The following RUNX1 variants were observed in gnomAD, a reference collection of about 807,000 sequenced individuals.
The protein encoded by RUNX1 is RUNX family transcription factor 1, also known as runt-related transcription factor 1.
Under a neutral mutation model 42.8 loss-of-function variants are expected in RUNX1, and 19 were observed. The observed-to-expected ratio is 0.44, with a 90% CI of 0.31 to 0.65. The LOEUF (loss-of-function observed/expected upper bound fraction) is 0.65, where lower values mean the gene tolerates loss of function less well. Ranked by LOEUF, RUNX1 falls within the 30% of genes least tolerant of loss-of-function variation. RUNX1 has a pLI of 0.07. For synonymous variants in RUNX1, 271 were observed against 289.4 expected (o/e 0.94, Z 0.64); for missense variants, 528 against 672.0 (o/e 0.79, Z 2.37).
chr21:34,904,403 T>TCATCC (rs2058201889), intron 2 of RUNX1, among the ~76,000 whole-genome samples: 1 of 152,190 alleles, frequency 6.6e-6, no homozygotes, highest in Admixed American at 6.5e-5. Flanking sequence ...TATTCAGAGA[T>TCATCC]CATCCAAAAA....
chr21:34,809,739 G>C (rs922716814), intron 7 of RUNX1, among the ~76,000 whole-genome samples: 1 of 152,084 alleles, frequency 6.6e-6, no homozygotes, highest in African/African-American at 2.4e-5. Flanking sequence ...AACAGATACA[G>C]TTAAGAGCTG....
At chr21:34,999,944 T>C (rs1197597321) in intron 2 of RUNX1, among the ~76,000 whole-genome samples, 1 of 152,254 alleles carries the variant, frequency 6.6e-6, no homozygotes, top group Non-Finnish European at 1.5e-5. Context: ...GTGGTTAAGC[T>C]TCATCTTTAT....
chr21:34,858,681 T>C (rs1039546856), intron 6 of RUNX1, among the ~76,000 whole-genome samples: 1 of 152,178 alleles, frequency 6.6e-6, no homozygotes, highest in African/African-American at 2.4e-5. Context: ...TGATACGGTT[T>C]GGAGACATCT....
At chr21:34,922,446 T>C (rs1434220974) in intron 2 of RUNX1, among the ~76,000 whole-genome samples, 1 of 152,216 alleles carries the variant, frequency 6.6e-6, no homozygotes, top group Non-Finnish European at 1.5e-5. Context: ...GAGATTAGTT[T>C]GGCCAAGGTC....
intron 2 of RUNX1, among the ~76,000 whole-genome samples, chr21:34,929,934 C>T (rs928337431): frequency 6.6e-6 from 1 of 151,762 alleles, no homozygotes; most frequent in Non-Finnish European, 1.5e-5. Flanking sequence ...ATTCATATAT[C>T]CCCTTTTAAG....
At chr21:34,953,169 G>T (rs893491979) in intron 2 of RUNX1, among the ~76,000 whole-genome samples, 2 of 151,344 alleles carry the variant, frequency 1.3e-5, no homozygotes, top group African/African-American at 4.9e-5. Context: ...ATTATTATGC[G>T]TCTACGTGAA....
intron 2 of RUNX1, among the ~76,000 whole-genome samples, chr21:34,915,532 G>A (rs1408739533): frequency 3.9e-5 from 6 of 152,182 alleles, no homozygotes; most frequent in Non-Finnish European, 5.9e-5. Flanking sequence ...TGCAGAGAAT[G>A]GTTGTTTTAT....
intron 2 of RUNX1, among the ~76,000 whole-genome samples, chr21:35,045,505 T>C (rs2059389799): frequency 6.6e-6 from 1 of 152,126 alleles, no homozygotes; most frequent in Non-Finnish European, 1.5e-5. Flanking sequence ...TTGGTATCCT[T>C]ATAAGAAGAG....
chr21:34,849,436 T>TA (rs1345523701), intron 6 of RUNX1, among the ~76,000 whole-genome samples: 1 of 72,254 alleles, frequency 1.4e-5, no homozygotes. Flanking sequence ...ATATATATTA[T>TA]ATATATACTA....
chr21:34,974,754 T>C (rs576188002), intron 2 of RUNX1, among the ~76,000 whole-genome samples: 2 of 152,310 alleles, frequency 1.3e-5, no homozygotes, highest in African/African-American at 4.8e-5. Context: ...ATTAACACTA[T>C]ACAAAAATAG....
chr21:34,932,717 T>G (rs1465815492), intron 2 of RUNX1, among the ~76,000 whole-genome samples: 1 of 150,954 alleles, frequency 6.6e-6, no homozygotes, highest in Non-Finnish European at 1.5e-5. Context: ...TCCTTCTAAA[T>G]TTTACCCCTG....
intron 2 of RUNX1, among the ~76,000 whole-genome samples, chr21:35,012,033 G>T (rs1250995435): frequency 1.3e-5 from 2 of 152,152 alleles, no homozygotes; most frequent in African/African-American, 4.8e-5. Flanking sequence ...GGATTAAGAA[G>T]GTAGCTGGTC....
At chr21:34,823,684 C>T (rs2056944791) in intron 7 of RUNX1, among the ~76,000 whole-genome samples, 1 of 152,084 alleles carries the variant, frequency 6.6e-6, no homozygotes, top group South Asian at 2.1e-4. Flanking sequence ...CTCAGGTGAT[C>T]CACCCACCTC....
intron 2 of RUNX1, among the ~76,000 whole-genome samples, chr21:35,046,116 G>A (rs939431191): frequency 6.6e-6 from 1 of 152,304 alleles, no homozygotes; most frequent in East Asian, 1.9e-4. Context: ...GTTGCACACC[G>A]TGTGTGATAA....
intron 7 of RUNX1, among the ~76,000 whole-genome samples, chr21:34,825,115 G>C (rs2056968663): frequency 6.6e-6 from 1 of 152,174 alleles, no homozygotes; most frequent in African/African-American, 2.4e-5. Flanking sequence ...AACAATGCCT[G>C]GCAATCAAGT....
chr21:34,937,096 T>G (rs1181826448), intron 2 of RUNX1, among the ~76,000 whole-genome samples: 3 of 152,160 alleles, frequency 2.0e-5, no homozygotes, highest in African/African-American at 7.2e-5. Context: ...CACGCAAGAT[T>G]ATGCACACAT....
chr21:35,005,768 C>T (rs1377220355), intron 2 of RUNX1, among the ~76,000 whole-genome samples: 1 of 152,162 alleles, frequency 6.6e-6, no homozygotes, highest in Non-Finnish European at 1.5e-5. Flanking sequence ...GAAGTCTCCT[C>T]CCCTCCATCT....
chr21:35,045,716 G>A (rs902005372), intron 2 of RUNX1, among the ~76,000 whole-genome samples: 1 of 152,216 alleles, frequency 6.6e-6, no homozygotes, highest in African/African-American at 2.4e-5. Flanking sequence ...TAAGTGTTCA[G>A]TCAAGCCAGA....
intron 5 of RUNX1, among the ~76,000 whole-genome samples, chr21:34,860,420 A>C (rs1000574703): frequency 1.6e-4 from 24 of 152,198 alleles, no homozygotes; most frequent in Admixed American, 1.6e-3. Flanking sequence ...AGATGGTTAC[A>C]TGCAAATTTT....
Sources: gnomAD v4.1 joint callset for allele counts (sites outside exome capture counted in the v4.1 genomes callset) on GRCh38, gnomAD v4.1.1 for gene constraint, MANE v1.5 for transcripts, NCBI Gene and HGNC (gene_info 2026-07-23, HGNC 2026-07-21) for gene names.